The following SRGAP1 variants were observed in gnomAD, a reference collection of about 807,000 sequenced individuals.
The protein encoded by SRGAP1 is SLIT-ROBO Rho GTPase activating protein 1.
Under a neutral mutation model 121.9 loss-of-function variants are expected in SRGAP1, and 43 were observed. That is an observed-to-expected ratio of 0.35 (90% CI 0.28 to 0.46). SRGAP1 has a LOEUF of 0.46. SRGAP1 is among the 20% of genes least tolerant of loss of function. The pLI is 1.00. For synonymous variants in SRGAP1, 447 were observed against 485.4 expected (o/e 0.92, Z 1.04); for missense variants, 1,102 against 1,350.9 (o/e 0.82, Z 2.89).
chr12:63,956,130 G>A lies in SRGAP1; in HGVS notation c.68-27817G>A, dbSNP rs546711116. Reference sequence around the variant, plus strand: ...GGCTGGAGTGCATTGGCGCAATCCCGAGTAGTTGGGACTACAGACATGCAC... The same window carrying A: ...GGCTGGAGTGCATTGGCGCAATCCCAAGTAGTTGGGACTACAGACATGCAC... On this transcript the variant is annotated intron_variant, in intron 1 of 21. Transcript: ENST00000355086. 5.9e-5 allele frequency among the ~76,000 whole-genome samples: 9 copies of A among 152,176 alleles called. No individual in the cohort carries two copies. In the East Asian group the frequency reaches 1.5e-3, roughly 26 times the overall value.
At position 64,157,775 on chromosome 12, in the gene SRGAP1, A is replaced by C. The variant is rs1191944007; in HGVS notation, c.*15103A>C. On this transcript the variant is annotated 3_prime_UTR_variant, in exon 22 of 22. Transcript: ENST00000355086. ...TTAGCTGTGTGATTTCACAAGAGATAACTGATGCTAGCTGCTGTAACAAAC... is the reference window on the plus strand; with the variant it reads ...TTAGCTGTGTGATTTCACAAGAGATCACTGATGCTAGCTGCTGTAACAAAC... 6.6e-6 allele frequency: 1 copy of C among 152,022 alleles called. No individual in the cohort carries two copies. Among genetic ancestry groups the C allele is most frequent in the Non-Finnish European group, 1.5e-5 (1 of 68,014 alleles). The allele number at this position is 152,022 out of a possible 1,614,324, so 9.4% of individuals were successfully genotyped here. A position where few individuals can be genotyped will look rare whatever the true frequency, so the allele number is the denominator to read the frequency against.
At chr12:64,095,487 G>C (rs2036138739) in intron 14 of SRGAP1, among the ~76,000 whole-genome samples, 1 of 152,138 alleles carries the variant, frequency 6.6e-6, no homozygotes, top group Non-Finnish European at 1.5e-5. Flanking sequence ...AAGAGTTCTG[G>C]AAGAGTGGCC....
intron 1 of SRGAP1, among the ~76,000 whole-genome samples, chr12:63,857,863 A>C (rs2136262403): frequency 6.6e-6 from 1 of 152,374 alleles, no homozygotes; most frequent in South Asian, 2.1e-4. Context: ...GTACAAAATT[A>C]GTGAAAGTGC....
At chr12:63,970,610 A>G (rs1337805561) in intron 1 of SRGAP1, among the ~76,000 whole-genome samples, 8 of 152,194 alleles carry the variant, frequency 5.3e-5, no homozygotes, top group African/African-American at 1.9e-4. Flanking sequence ...GTTTAAAATA[A>G]TTGTAATTTT....
intron 1 of SRGAP1, among the ~76,000 whole-genome samples, chr12:63,885,255 G>A (rs1900338889): frequency 6.6e-6 from 1 of 151,928 alleles, no homozygotes; most frequent in Non-Finnish European, 1.5e-5. Context: ...TCCTTTTTTG[G>A]TTCAATTAAT....
At chr12:63,995,634 T>C (rs2033676608) in intron 3 of SRGAP1, among the ~76,000 whole-genome samples, 1 of 152,116 alleles carries the variant, frequency 6.6e-6, no homozygotes, top group Non-Finnish European at 1.5e-5. Flanking sequence ...TTGTCAATCA[T>C]CCAAGTTATA....
intron 10 of SRGAP1, among the ~76,000 whole-genome samples, chr12:64,083,487 T>C (rs1466939621): frequency 6.6e-6 from 1 of 152,174 alleles, no homozygotes. Context: ...GATTGGGCTC[T>C]TAAAGTGGCA....
chr12:63,857,929 C>G (rs1592887770), intron 1 of SRGAP1, among the ~76,000 whole-genome samples: 1 of 152,130 alleles, frequency 6.6e-6, no homozygotes, highest in African/African-American at 2.4e-5. Context: ...GCCCCTCCTC[C>G]CTTGAAGAAT....
intron 18 of SRGAP1, chr12:64,120,305 G>A (rs1018363586): frequency 1.3e-5 from 2 of 152,092 alleles, no homozygotes; most frequent in African/African-American, 4.8e-5. Context: ...CTCAGTGGAA[G>A]GTAGATTCTT....
intron 10 of SRGAP1, 109 bp downstream of exon 10, chr12:64,080,479 A>C (rs766095143): frequency 2.1e-6 from 2 of 960,336 alleles, no homozygotes; most frequent in South Asian, 2.8e-5. Context: ...AGCAGAGGAC[A>C]CTCTGTGTTT....
chr12:64,137,395 T>C (rs1386679821), intron 21 of SRGAP1, among the ~76,000 whole-genome samples: 1 of 152,168 alleles, frequency 6.6e-6, no homozygotes, highest in Admixed American at 6.5e-5. Flanking sequence ...AAATCACATA[T>C]GAAAGTAATA....
In SRGAP1 at chr12:63,906,287, T is replaced by A. The variant is rs79435731; in HGVS notation, c.67+61404T>A. Among the ~76,000 whole-genome samples the A allele has an allele frequency of 1.1e-4, 17 of 152,244 alleles. 1 individual carries two copies. In the East Asian group the frequency reaches 2.5e-3, roughly 22 times the overall value. Reference sequence around the variant, plus strand: ...TTTACTATGTATAAGTCCTTTTTTTTAATAGTTCTTTTTTTGTTTGTTTCT... The same window carrying A: ...TTTACTATGTATAAGTCCTTTTTTTAAATAGTTCTTTTTTTGTTTGTTTCT... On this transcript the variant is annotated intron_variant, in intron 1 of 21. Coordinates refer to ENST00000355086, the MANE Select transcript of SRGAP1 (RefSeq NM_020762.4).
intron 3 of SRGAP1, among the ~76,000 whole-genome samples, chr12:63,995,425 A>G (rs2033669606): frequency 6.6e-6 from 1 of 152,200 alleles, no homozygotes; most frequent in Admixed American, 6.6e-5. Context: ...CATCAGGCTG[A>G]CTAGCATGTA....
intron 3 of SRGAP1, among the ~76,000 whole-genome samples, chr12:64,001,359 A>G (rs2033891539): frequency 6.6e-6 from 1 of 152,238 alleles, no homozygotes; most frequent in Non-Finnish European, 1.5e-5. Context: ...GTGCAAAGTT[A>G]GCATTTTCCT....
Position 64,126,676 on chromosome 12 carries a change from A to G in SRGAP1, c.2405+519A>G, listed in dbSNP as rs1271386201. 3.3e-5 allele frequency among the ~76,000 whole-genome samples: 5 copies of G among 152,342 alleles called. No homozygotes were observed. The East Asian group carries it at 9.6e-4, about 29-fold the overall frequency. The stretch of plus-strand genomic sequence containing the variant: ...AGGTTGCAAAATAATGTGTAGTCCA[A>G]AAGTAGCTTTTTAAGGAAAAGACAA... On this transcript the variant is annotated intron_variant, in intron 19 of 21. Coordinates refer to ENST00000355086, the MANE Select transcript of SRGAP1 (RefSeq NM_020762.4).
At chr12:64,139,005 T>C (rs963903509) in intron 21 of SRGAP1, among the ~76,000 whole-genome samples, 9 of 152,210 alleles carry the variant, frequency 5.9e-5, no homozygotes, top group African/African-American at 2.2e-4. Context: ...AAAAAATATT[T>C]TATGTTTATA....
At chr12:64,139,810 C>G (rs1344305356) in intron 21 of SRGAP1, among the ~76,000 whole-genome samples, 1 of 152,086 alleles carries the variant, frequency 6.6e-6, no homozygotes, top group Non-Finnish European at 1.5e-5. Flanking sequence ...ACATGAAGTC[C>G]TTGCCCATGC....
chr12:64,112,996 C>A (rs891363411), intron 17 of SRGAP1, among the ~76,000 whole-genome samples: 1 of 151,912 alleles, frequency 6.6e-6, no homozygotes. Context: ...GTCCCAGATA[C>A]TTGAGAAGCT....
At chr12:64,089,688 G>A (rs2036012772) in intron 11 of SRGAP1, among the ~76,000 whole-genome samples, 1 of 152,164 alleles carries the variant, frequency 6.6e-6, no homozygotes, top group Non-Finnish European at 1.5e-5. Context: ...GGCAGGAGAT[G>A]ACATGTTGCC....
Sources: allele counts gnomAD v4.1 joint callset (sites outside exome capture counted in the v4.1 genomes callset), GRCh38; gene constraint gnomAD v4.1.1; transcripts MANE v1.5; gene names NCBI Gene and HGNC (gene_info 2026-07-23, HGNC 2026-07-21).